Variants in SHB observed in about 807,000 individuals in gnomAD.
SHB encodes the protein SH2 domain containing adaptor protein B.
Under a neutral mutation model 52.3 loss-of-function variants are expected in SHB, and 20 were observed. The ratio of observed to expected loss-of-function variants is 0.38; its 90% CI spans 0.27 to 0.56. The LOEUF (loss-of-function observed/expected upper bound fraction) is 0.56, where lower values mean the gene tolerates loss of function less well. Among genes scored for constraint, SHB ranks in the 20% least tolerant of loss-of-function variants. The pLI is 0.71. For missense variants in SHB, 825 were observed against 723.3 expected, an observed-to-expected ratio of 1.14 and a Z score of -1.61; for synonymous variants, 397 against 316.5, an observed-to-expected ratio of 1.25 and a Z score of -2.70.
chr9:37,969,202 T>C (rs2117952254), intron 3 of SHB, among the ~76,000 whole-genome samples: 1 of 152,276 alleles, frequency 6.6e-6, no homozygotes, highest in African/African-American at 2.4e-5. Flanking sequence ...TCCTGCAGCA[T>C]CTTGGATAGC....
intron 5 of SHB, among the ~76,000 whole-genome samples, chr9:37,924,340 G>A (rs1256472655): frequency 6.6e-6 from 1 of 152,240 alleles, no homozygotes; most frequent in African/African-American, 2.4e-5. Context: ...CGGCCGCCGA[G>A]CAGGGTGCGA....
At chr9:37,985,763 G>A (rs752249319) in intron 2 of SHB, among the ~76,000 whole-genome samples, 5 of 152,248 alleles carry the variant, frequency 3.3e-5, no homozygotes, top group Non-Finnish European at 7.3e-5. Context: ...AGCACTAGAT[G>A]CATTAGATGA....
At position 37,955,938 on chromosome 9, in the gene SHB, A is replaced by G. The variant is rs1289863837; in HGVS notation, c.1171T>C (p.Phe391Leu). The G allele has an allele frequency of 6.2e-7, 1 of 1,613,456 alleles. No homozygotes were observed. The highest frequency in any genetic ancestry group is 8.5e-7 in the Non-Finnish European group (1 of 1,179,882). Reference protein sequence around the residue: ...FKPIKHGSPEFCGILGERVDP... With the variant: ...FKPIKHGSPELCGILGERVDP... ...ACCCTTTCTCCTAGGATCCCGCAGA[A>G]CTCAGGGCTCCCATGTTTGATAGGC... The change falls in exon 4 of 6, where the codon TTC (phenylalanine) becomes CTC (leucine). Residue 391 changes from phenylalanine to leucine, a missense_variant. By Grantham distance (22) the Phe-to-Leu change is conservative. Transcript: ENST00000377707.
In SHB at chr9:38,068,230, C is replaced by T. The variant is rs1304004352; in HGVS notation, c.416G>A (p.Cys139Tyr). 1 of 1,396,548 alleles carries T rather than the reference C, an allele frequency of 7.2e-7. No individual in the cohort carries two copies. The highest frequency in any genetic ancestry group is 1.5e-5 in the African/African-American group (1 of 65,854). 86.5% of individuals were successfully genotyped at this position (1,396,548 alleles called of 1,614,324 possible). A position where few individuals can be genotyped will look rare whatever the true frequency, so the allele number is the denominator to read the frequency against. ...SASSASGAAG[C>Y]CCASSGAGAA... ...CCCCGCGCCCGAGGAGGCGCAGCAA[C>T]AGCCCGCGGCGCCCGACGCGGACGA... Residue 139 changes from cysteine to tyrosine, a missense_variant, in exon 1 of 6, where the codon TGT becomes TAT. Cys to Tyr is a radical substitution (Grantham distance 194). Coordinates refer to ENST00000377707, the MANE Select transcript of SHB (RefSeq NM_003028.3).
intron 2 of SHB, among the ~76,000 whole-genome samples, chr9:37,981,113 C>A (rs1008337525): frequency 1.3e-5 from 2 of 152,220 alleles, no homozygotes; most frequent in Admixed American, 6.5e-5. Flanking sequence ...AGAGAGGCAG[C>A]CTGTCCTTTG....
intron 3 of SHB, among the ~76,000 whole-genome samples, chr9:37,961,615 T>C (rs1396069689): frequency 6.6e-6 from 1 of 152,218 alleles, no homozygotes; most frequent in Non-Finnish European, 1.5e-5. Context: ...AGTCCCCAGA[T>C]CTATCATCTG....
chr9:37,974,646 G>A lies in SHB; in HGVS notation c.1030C>T (p.Arg344Trp), dbSNP rs1319029344. Residue 344 changes from arginine (R) to tryptophan (W), a missense_variant, in exon 3 of 6, where the codon CGG (arginine) becomes TGG (tryptophan). Transcript: ENST00000377707. ...DEYDQPWEWN[R>W]VTIPALAAQF... ...CCTGCCAGGGCTGGGATGGTGACCCGGTTCCACTCCCAAGGCTGGTCGTAC... is the reference window on the plus strand; with the variant it reads ...CCTGCCAGGGCTGGGATGGTGACCCAGTTCCACTCCCAAGGCTGGTCGTAC... The A allele has an allele frequency of 5.6e-6, 9 of 1,613,030 alleles. No homozygotes were observed. Among genetic ancestry groups the A allele is most frequent in the East Asian group, 4.5e-5 (2 of 44,870 alleles).
chr9:37,924,944 C>T (rs899645549), intron 5 of SHB, among the ~76,000 whole-genome samples: 5 of 152,240 alleles, frequency 3.3e-5, no homozygotes, highest in South Asian at 2.1e-4. Flanking sequence ...CTCAGCTACC[C>T]GTTGGCCTCT....
Position 37,955,652 on chromosome 9 carries a change from A to AT in SHB, c.1226+230dup, listed in dbSNP as rs5897708. Reference sequence around the variant, plus strand: ...GCCATCATACCTGGTTAATTTTTGTATTTTTTTTTCTTTTTTTTGTAGAGA... The same window carrying AT: ...GCCATCATACCTGGTTAATTTTTGTATTTTTTTTTTCTTTTTTTTGTAGAGA... On this transcript the variant is annotated intron_variant, in intron 4 of 5. Transcript: ENST00000377707. Among the ~76,000 whole-genome samples the AT allele has an allele frequency of 4.0e-5, 6 of 151,008 alleles. No homozygotes were observed. The East Asian group carries it at 5.8e-4, about 15-fold the overall frequency.
intron 3 of SHB, among the ~76,000 whole-genome samples, chr9:37,972,968 A>C (rs1331486566): frequency 1.3e-5 from 2 of 152,228 alleles, no homozygotes; most frequent in African/African-American, 4.8e-5. Flanking sequence ...GGTAGGAATT[A>C]AATGTCACTC....
chr9:38,068,120 C>A lies in SHB; in HGVS notation c.526G>T (p.Val176Leu). Reference sequence around the variant, plus strand: ...CGGTGCTTGGGGGAGATGTAGCGCACCTCGGCCGGCGTGGCGGGCCGCCGC... The same window carrying A: ...CGGTGCTTGGGGGAGATGTAGCGCAACTCGGCCGGCGTGGCGGGCCGCCGC... ...SERRPATPAE[V>L]RYISPKHRLI... The change falls in exon 1 of 6, where the codon GTG (valine) becomes TTG (leucine). Residue 176 changes from valine to leucine, a missense_variant. Physicochemically the swap from Val to Leu is conservative, Grantham distance 32 (BLOSUM62 1). Transcript: ENST00000377707. 7 of 1,461,690 alleles carry A rather than the reference C, an allele frequency of 4.8e-6. No individual in the cohort carries two copies. The highest frequency in any genetic ancestry group is 5.4e-6 in the Non-Finnish European group (6 of 1,119,294). 90.5% of individuals were successfully genotyped at this position (1,461,690 alleles called of 1,614,324 possible).
At position 38,051,790 on chromosome 9, in the gene SHB, T is replaced by A. The variant is rs73646140; in HGVS notation, c.717+16139A>T. Among the ~76,000 whole-genome samples the A allele has an allele frequency of 5.8e-3, 879 of 152,208 alleles. 8 individuals carry two copies. Among genetic ancestry groups the A allele is most frequent in the African/African-American group, 0.02 (812 of 41,528 alleles). On this transcript the variant is annotated intron_variant, in intron 1 of 5. Transcript: ENST00000377707. ...GTAAAGCGAGCTCTGCCGGTCAGAG[T>A]GGCCCTCTGATGGAGTGGTGAATGT...
At chr9:38,054,055 T>TAGA (rs1266593845) in intron 1 of SHB, among the ~76,000 whole-genome samples, 1 of 152,200 alleles carries the variant, frequency 6.6e-6, no homozygotes, top group Non-Finnish European at 1.5e-5. Flanking sequence ...TCTACCTACA[T>TAGA]AGAAGATGGG....
intron 5 of SHB, among the ~76,000 whole-genome samples, chr9:37,935,443 T>C (rs1450318432): frequency 6.6e-6 from 1 of 151,888 alleles, no homozygotes; most frequent in East Asian, 1.9e-4. Flanking sequence ...TGGGAAGTGG[T>C]GGGGAGTTGT....
chr9:38,007,086 C>T (rs1349082214), intron 2 of SHB, among the ~76,000 whole-genome samples: 1 of 152,182 alleles, frequency 6.6e-6, no homozygotes, highest in Non-Finnish European at 1.5e-5. Flanking sequence ...TTGTTTTGTT[C>T]ATGCATAGAC....
At chr9:38,025,659 G>A (rs1821332349) in intron 1 of SHB, among the ~76,000 whole-genome samples, 1 of 152,142 alleles carries the variant, frequency 6.6e-6, no homozygotes, top group Admixed American at 6.5e-5. Flanking sequence ...AATGAGGATG[G>A]GGCAAGGCCT....
intron 1 of SHB, among the ~76,000 whole-genome samples, chr9:38,062,962 T>A (rs564930447): frequency 1.3e-5 from 2 of 152,208 alleles, no homozygotes; most frequent in African/African-American, 4.8e-5. Flanking sequence ...TGATTTGTTA[T>A]GTAGCAACAG....
intron 3 of SHB, among the ~76,000 whole-genome samples, chr9:37,965,533 G>T (rs1347861018): frequency 6.6e-6 from 1 of 151,836 alleles, no homozygotes; most frequent in South Asian, 2.1e-4. Flanking sequence ...GCTCCTAAGA[G>T]AACACAGGGT....
intron 2 of SHB, among the ~76,000 whole-genome samples, chr9:37,982,666 G>A (rs888990624): frequency 6.6e-6 from 1 of 151,964 alleles, no homozygotes; most frequent in Non-Finnish European, 1.5e-5. Context: ...AGGTGTGGTG[G>A]CACACGCCTG....
Sources: allele counts gnomAD v4.1 joint callset (sites outside exome capture counted in the v4.1 genomes callset), GRCh38; gene constraint gnomAD v4.1.1; transcripts MANE v1.5; gene names NCBI Gene and HGNC (gene_info 2026-07-23, HGNC 2026-07-21).